The following CDH12 variants were observed in gnomAD, a reference collection of about 807,000 sequenced individuals.
CDH12 encodes cadherin 12, also known as cadherin-12.
A neutral mutation model predicts 74.1 loss-of-function variants in CDH12; 41 were observed. The observed-to-expected ratio is 0.55, with a 90% CI of 0.43 to 0.72. The LOEUF (loss-of-function observed/expected upper bound fraction) is 0.72. CDH12 is among the 30% of genes least tolerant of loss of function. The probability of loss-of-function intolerance (pLI) is 0.00; values close to 1 mark genes in which losing one functional copy is unlikely to be tolerated. For synonymous variants in CDH12, 399 were observed against 355.0 expected (o/e 1.12, Z -1.39); for missense variants, 945 against 977.2 (o/e 0.97, Z 0.44).
At chr5:22,304,115 T>C (rs575817630) in intron 3 of CDH12, among the ~76,000 whole-genome samples, 5 of 152,152 alleles carry the variant, frequency 3.3e-5, no homozygotes, top group Non-Finnish European at 5.9e-5. Flanking sequence ...GTTGATAAGC[T>C]AATTTTTAAA....
chr5:22,144,773 T>C (rs1027862051), intron 4 of CDH12, among the ~76,000 whole-genome samples: 2 of 152,016 alleles, frequency 1.3e-5, no homozygotes, highest in Admixed American at 1.3e-4. Flanking sequence ...AATAAAAAAT[T>C]AAAAACAAAT....
intron 3 of CDH12, among the ~76,000 whole-genome samples, chr5:22,316,595 AG>A (rs1738643501): frequency 6.6e-6 from 1 of 152,164 alleles, no homozygotes. Flanking sequence ...TTTTGAAACC[AG>A]GGGTCTAATC....
At chr5:22,532,696 G>A (rs1336113090) in intron 1 of CDH12, among the ~76,000 whole-genome samples, 1 of 151,790 alleles carries the variant, frequency 6.6e-6, no homozygotes, top group Non-Finnish European at 1.5e-5. Flanking sequence ...AGTCTCAGAT[G>A]TGAATTTATA....
intron 1 of CDH12, among the ~76,000 whole-genome samples, chr5:22,811,923 G>A (rs566488411): frequency 6.6e-6 from 1 of 152,274 alleles, no homozygotes; most frequent in South Asian, 2.1e-4. Flanking sequence ...AGTTAGAGAA[G>A]ACAGCTAGGG....
intron 3 of CDH12, among the ~76,000 whole-genome samples, chr5:22,343,053 C>T (rs1739944794): frequency 6.6e-6 from 1 of 151,806 alleles, no homozygotes; most frequent in Non-Finnish European, 1.5e-5. Flanking sequence ...CGGGGTTTCA[C>T]TATGTTGGCC....
intron 1 of CDH12, among the ~76,000 whole-genome samples, chr5:22,830,367 CAAT>C (rs1031318936): frequency 6.6e-6 from 1 of 151,786 alleles, no homozygotes; most frequent in African/African-American, 2.4e-5. Flanking sequence ...ATATATATGC[CAAT>C]AATAATTTCA....
At chr5:22,683,215 G>C (rs1741587036) in intron 1 of CDH12, among the ~76,000 whole-genome samples, 1 of 152,196 alleles carries the variant, frequency 6.6e-6, no homozygotes, top group African/African-American at 2.4e-5. Context: ...CAGCCAATGT[G>C]ATGGTAACGT....
intron 1 of CDH12, among the ~76,000 whole-genome samples, chr5:22,616,783 G>A (rs1449788350): frequency 6.6e-6 from 1 of 152,024 alleles, no homozygotes; most frequent in Non-Finnish European, 1.5e-5. Flanking sequence ...AACCCCCAAT[G>A]TGATGGTATT....
At chr5:22,462,085 G>C (rs1200967334) in intron 2 of CDH12, among the ~76,000 whole-genome samples, 1 of 152,016 alleles carries the variant, frequency 6.6e-6, no homozygotes, top group Non-Finnish European at 1.5e-5. Context: ...ATGAATCTTA[G>C]AGGTCTAACA....
intron 2 of CDH12, among the ~76,000 whole-genome samples, chr5:22,487,629 G>C (rs1324718087): frequency 1.3e-5 from 2 of 152,174 alleles, no homozygotes; most frequent in African/African-American, 2.4e-5. Flanking sequence ...CTGTAAAAAT[G>C]TATGTCAATA....
At chr5:22,565,671 A>C (rs1739250774) in intron 1 of CDH12, among the ~76,000 whole-genome samples, 1 of 152,284 alleles carries the variant, frequency 6.6e-6, no homozygotes, top group Non-Finnish European at 1.5e-5. Flanking sequence ...CTATAATATT[A>C]TAACTCAATA....
chr5:22,715,755 C>T (rs750739526), intron 1 of CDH12, among the ~76,000 whole-genome samples: 41 of 147,828 alleles, frequency 2.8e-4, no homozygotes, highest in South Asian at 6.4e-4. Context: ...GAACCAAGAT[C>T]GCGCCATTGC....
chr5:21,773,099 A>T (rs984017483), intron 11 of CDH12, among the ~76,000 whole-genome samples: 1 of 152,142 alleles, frequency 6.6e-6, no homozygotes, highest in Non-Finnish European at 1.5e-5. Flanking sequence ...ACTGATGATT[A>T]TGGTGATGTT....
At chr5:21,886,886 C>A (rs888973898) in intron 6 of CDH12, among the ~76,000 whole-genome samples, 1 of 152,028 alleles carries the variant, frequency 6.6e-6, no homozygotes, top group African/African-American at 2.4e-5. Context: ...GTTTTTGGCA[C>A]ATCTTTTAAG....
At chr5:22,184,966 T>C (rs560495533) in intron 4 of CDH12, among the ~76,000 whole-genome samples, 1 of 152,264 alleles carries the variant, frequency 6.6e-6, no homozygotes, top group South Asian at 2.1e-4. Context: ...TTAAACCTAG[T>C]ACACATTAGT....
At chr5:22,010,101 T>C (rs1163692744) in intron 5 of CDH12, among the ~76,000 whole-genome samples, 1 of 152,190 alleles carries the variant, frequency 6.6e-6, no homozygotes, top group East Asian at 1.9e-4. Context: ...AACTAAAAAA[T>C]GTATCTGAGA....
At chr5:22,387,329 A>C (rs1402175613) in intron 3 of CDH12, among the ~76,000 whole-genome samples, 7 of 152,158 alleles carry the variant, frequency 4.6e-5, no homozygotes, top group Admixed American at 4.6e-4. Flanking sequence ...ATGTGTTATT[A>C]ATTTTTAAAA....
intron 5 of CDH12, among the ~76,000 whole-genome samples, chr5:22,058,011 A>ATCTATCTG (rs1437760613): frequency 3.5e-5 from 5 of 143,690 alleles, no homozygotes; most frequent in Non-Finnish European, 7.4e-5. Context: ...CTATCTATCT[A>ATCTATCTG]TCTATCTATC....
chr5:22,723,578 A>C (rs532751843), intron 1 of CDH12, among the ~76,000 whole-genome samples: 1 of 152,230 alleles, frequency 6.6e-6, no homozygotes, highest in South Asian at 2.1e-4. Flanking sequence ...TATTCTAGAC[A>C]GAGCTCTAAA....
Sources: allele counts gnomAD v4.1 joint callset (sites outside exome capture counted in the v4.1 genomes callset), GRCh38; gene constraint gnomAD v4.1.1; transcripts MANE v1.5; gene names NCBI Gene and HGNC (gene_info 2026-07-23, HGNC 2026-07-21).